The following SGIP1 variants were observed in gnomAD, a reference collection of about 807,000 sequenced individuals.
SGIP1 encodes SH3-containing GRB2-like protein 3-interacting protein 1.
Under a neutral mutation model 107.5 loss-of-function variants are expected in SGIP1, and 38 were observed. The observed-to-expected ratio is 0.35, with a 90% CI of 0.27 to 0.46. SGIP1 has a LOEUF of 0.46. Ranked by LOEUF, SGIP1 falls within the 20% of genes least tolerant of loss-of-function variation. The pLI, the probability that SGIP1 is intolerant of heterozygous loss-of-function variation, is 1.00. For missense variants in SGIP1, 929 were observed against 1,019.5 expected (o/e 0.91, Z 1.21); for synonymous variants, 365 against 366.1 (o/e 1.00, Z 0.03).
chr1:66,633,521 T>C (rs962723221), intron 3 of SGIP1, among the ~76,000 whole-genome samples: 5 of 152,238 alleles, frequency 3.3e-5, no homozygotes, highest in East Asian at 1.9e-4. Flanking sequence ...GTGCTGCAGA[T>C]ACATTTTCTA....
At chr1:66,622,663 T>A (rs527825088) in intron 1 of SGIP1, among the ~76,000 whole-genome samples, 1 of 152,200 alleles carries the variant, frequency 6.6e-6, no homozygotes, top group Non-Finnish European at 1.5e-5. Flanking sequence ...AGACACACAG[T>A]GTGGCAGTTT....
intron 16 of SGIP1, among the ~76,000 whole-genome samples, chr1:66,689,647 G>T (rs2089358223): frequency 6.6e-6 from 1 of 152,232 alleles, no homozygotes; most frequent in Admixed American, 6.5e-5. Flanking sequence ...CATATTGATT[G>T]TAGGCACATG....
Position 66,622,799 on chromosome 1 carries a change from G to A in SGIP1, c.11-3048G>A, listed in dbSNP as rs987148304. ...TTGTTTTGATGTTGGCAAGGGAAGA[G>A]TCATCACATTTCTTAAGGGACGCTT... On this transcript the variant is annotated intron_variant, in intron 1 of 24. Coordinates refer to ENST00000371037, the MANE Select transcript of SGIP1 (RefSeq NM_032291.4). Among the ~76,000 whole-genome samples, 4 of 152,140 alleles carry A rather than the reference G, an allele frequency of 2.6e-5. No homozygotes were observed. In the East Asian group the frequency reaches 5.8e-4, roughly 22 times the overall value.
chr1:66,622,848 T>TA (rs1170623591), intron 1 of SGIP1, among the ~76,000 whole-genome samples: 1 of 152,146 alleles, frequency 6.6e-6, no homozygotes, highest in African/African-American at 2.4e-5. Flanking sequence ...CCATTTTTGG[T>TA]AAAAAATAGT....
Position 66,690,274 on chromosome 1 carries a change from T to C in SGIP1, c.1528T>C (p.Ser510Pro). 1 of 1,614,160 alleles carries C rather than the reference T, an allele frequency of 6.2e-7. No individual in the cohort carries two copies. Among genetic ancestry groups the C allele is most frequent in the Non-Finnish European group, 8.5e-7 (1 of 1,180,008 alleles). The part of the protein sequence containing the change: ...LARAESTSSI[S>P]STNSLSAATT... ...GCGGGCTGAAAGCACTTCTTCAATATCGTCAACCAATTCCTTGAGCGCAGC... is the reference window on the plus strand; with the variant it reads ...GCGGGCTGAAAGCACTTCTTCAATACCGTCAACCAATTCCTTGAGCGCAGC... Residue 510 changes from serine to proline, a missense_variant, in exon 17 of 25, where the codon TCG becomes CCG. Physicochemically the swap from Ser to Pro is moderately conservative, Grantham distance 74. Transcript: ENST00000371037.
In SGIP1 at chr1:66,746,637, T is replaced by C. The variant is rs1340875566; in HGVS notation, c.*3542T>C. Reference sequence around the variant, plus strand: ...TCAATCAAAAAATTGTAAGTACTCTTTTTAATTCCTGTTTTACAAGTGATG... The same window carrying C: ...TCAATCAAAAAATTGTAAGTACTCTCTTTAATTCCTGTTTTACAAGTGATG... On this transcript the variant is annotated 3_prime_UTR_variant, in exon 25 of 25. Coordinates refer to ENST00000371037, the MANE Select transcript of SGIP1 (RefSeq NM_032291.4). 6.6e-6 allele frequency: 1 copy of C among 152,130 alleles called. No individual in the cohort carries two copies. The highest frequency in any genetic ancestry group is 1.5e-5 in the Non-Finnish European group (1 of 67,966). The allele number at this position is 152,130 out of a possible 1,614,324, so 9.4% of individuals were successfully genotyped here.
chr1:66,613,687 C>T (rs969344433), intron 1 of SGIP1, among the ~76,000 whole-genome samples: 2 of 152,144 alleles, frequency 1.3e-5, no homozygotes, highest in Non-Finnish European at 2.9e-5. Context: ...CTCCTGGCAA[C>T]CTCATCTTCA....
At chr1:66,547,314 A>G (rs185076573) in intron 1 of SGIP1, among the ~76,000 whole-genome samples, 117 of 152,282 alleles carry the variant, frequency 7.7e-4, no homozygotes, top group African/African-American at 2.8e-3. Flanking sequence ...GTTAAACTGA[A>G]TAAAAATATT....
intron 13 of SGIP1, among the ~76,000 whole-genome samples, chr1:66,678,708 T>G (rs1423240492): frequency 6.6e-6 from 1 of 152,006 alleles, no homozygotes; most frequent in Non-Finnish European, 1.5e-5. Flanking sequence ...AAATAATAAA[T>G]AAAGTACGGG....
intron 16 of SGIP1, among the ~76,000 whole-genome samples, chr1:66,689,574 G>T (rs2089342418): frequency 6.6e-6 from 1 of 152,166 alleles, no homozygotes; most frequent in Admixed American, 6.5e-5. Context: ...CACAGTATTT[G>T]TCTGATATTA....
intron 1 of SGIP1, among the ~76,000 whole-genome samples, chr1:66,623,670 A>G (rs1215463666): frequency 6.6e-6 from 1 of 152,196 alleles, no homozygotes; most frequent in Non-Finnish European, 1.5e-5. Context: ...TAAAAACATC[A>G]TTTCCAGTGA....
chr1:66,651,761 A>G (rs1256218354), intron 7 of SGIP1, among the ~76,000 whole-genome samples: 1 of 152,198 alleles, frequency 6.6e-6, no homozygotes, highest in African/African-American at 2.4e-5. Context: ...TCAGGCTTAA[A>G]TGCTGTTGTG....
At chr1:66,721,559 C>A (rs1403684579) in intron 19 of SGIP1, among the ~76,000 whole-genome samples, 2 of 152,158 alleles carry the variant, frequency 1.3e-5, no homozygotes, top group African/African-American at 2.4e-5. Flanking sequence ...CAGGCACATG[C>A]CACCACACCC....
Position 66,646,474 on chromosome 1 carries a change from T to A in SGIP1, c.459+2755T>A, listed in dbSNP as rs1242034531. Among the ~76,000 whole-genome samples, 8 of 152,254 alleles carry A rather than the reference T, an allele frequency of 5.3e-5. 1 individual carries two copies. The highest frequency in any genetic ancestry group is 1.5e-5 in the Non-Finnish European group (1 of 68,044). On this transcript the variant is annotated intron_variant, in intron 7 of 24. Transcript: ENST00000371037. ...TGGTTTACGTTGGACTTCTGATTTA[T>A]GTTTCTTTTGAAGTTTTTAAGATAA...
At chr1:66,684,105 A>C in intron 15 of SGIP1, 1 of 1,550,444 alleles carries the variant, frequency 6.4e-7, no homozygotes, top group Non-Finnish European at 8.7e-7. Flanking sequence ...CCCTTTTTAC[A>C]GATGGGAAAA....
intron 1 of SGIP1, among the ~76,000 whole-genome samples, chr1:66,576,487 T>C (rs1459596748): frequency 2.0e-5 from 3 of 152,184 alleles, no homozygotes; most frequent in African/African-American, 7.2e-5. Flanking sequence ...ATAAAGATGA[T>C]AGTACTGGCT....
At chr1:66,584,228 G>C in intron 1 of SGIP1, among the ~76,000 whole-genome samples, 1 of 151,978 alleles carries the variant, frequency 6.6e-6, no homozygotes, top group Non-Finnish European at 1.5e-5. Flanking sequence ...GTGCTAAAAA[G>C]AAATAAAGTT....
Position 66,637,443 on chromosome 1 carries a change from GTGTGTGTGTGTT to G in SGIP1, c.171+1440_171+1451del, listed in dbSNP as rs1213764070. 0.019 allele frequency among the ~76,000 whole-genome samples: 1,112 copies of G among 57,502 alleles called. 9 individuals are homozygous for G. The East Asian group carries it at 0.28, about 15-fold the overall frequency. 37.7% of individuals were successfully genotyped at this position (57,502 alleles called of 152,430 possible). ...GACCAAATTCCTCTAATAAAGCCGT[GTGTGTGTGTGTT>G]TGTGTGTGTGTGTGTGTGTGTGTGT... On this transcript the variant is annotated intron_variant, in intron 4 of 24. Coordinates refer to ENST00000371037, the MANE Select transcript of SGIP1 (RefSeq NM_032291.4).
intron 1 of SGIP1, among the ~76,000 whole-genome samples, chr1:66,589,968 CTT>C (rs74845412): frequency 0.19 from 28,526 of 152,024 alleles, 3,148 homozygotes; most frequent in African/African-American, 0.31. Flanking sequence ...CAGATTCTCT[CTT>C]TGTTCCCTGT....
Sources: allele counts gnomAD v4.1 joint callset (sites outside exome capture counted in the v4.1 genomes callset), GRCh38; gene constraint gnomAD v4.1.1; transcripts MANE v1.5; gene names NCBI Gene and HGNC (gene_info 2026-07-23, HGNC 2026-07-21).